Variants in PSMB7 observed in about 807,000 individuals in gnomAD.
The protein encoded by PSMB7 is proteasome 20S subunit beta 7, also known as proteasome subunit beta type-7.
PSMB7 carries 5 observed loss-of-function variants against 28.1 expected under a neutral mutation model. That is an observed-to-expected ratio of 0.18 (90% CI 0.09 to 0.37). The LOEUF is 0.37. PSMB7 is among the 10% of genes least tolerant of loss of function. PSMB7 has a pLI of 1.00. For missense variants in PSMB7, 275 were observed against 346.2 expected (o/e 0.79, Z 1.63); for synonymous variants, 122 against 123.7 (o/e 0.99, Z 0.09).
At chr9:124,361,838 G>A (rs1830467882) in intron 6 of PSMB7, among the ~76,000 whole-genome samples, 1 of 152,160 alleles carries the variant, frequency 6.6e-6, no homozygotes, top group Non-Finnish European at 1.5e-5. Flanking sequence ...TATAGTGCAG[G>A]TCCAAAATAG....
intron 1 of PSMB7, 174 bp downstream of exon 1, chr9:124,415,190 G>A: frequency 1.4e-6 from 1 of 713,716 alleles, no homozygotes; most frequent in Non-Finnish European, 2.3e-6. Context: ...AGCAGACCCG[G>A]CTTCAGGAGA....
chr9:124,394,680 C>T (rs1212438559), intron 5 of PSMB7, among the ~76,000 whole-genome samples: 1 of 152,122 alleles, frequency 6.6e-6, no homozygotes, highest in African/African-American at 2.4e-5. Context: ...AGAACAAAAT[C>T]CAATCTAATT....
intron 5 of PSMB7, among the ~76,000 whole-genome samples, chr9:124,397,146 G>A (rs1437769962): frequency 6.6e-6 from 1 of 152,148 alleles, no homozygotes; most frequent in Non-Finnish European, 1.5e-5. Flanking sequence ...CCTTACTTGT[G>A]GTTCAAGTAA....
chr9:124,401,781 G>A (rs903299042), intron 5 of PSMB7, among the ~76,000 whole-genome samples: 4 of 152,188 alleles, frequency 2.6e-5, no homozygotes, highest in Admixed American at 2.0e-4. Flanking sequence ...AGCACTTTGG[G>A]AGGCAGAGGC....
At chr9:124,354,380 A>G (rs1830376188) in intron 7 of PSMB7, among the ~76,000 whole-genome samples, 1 of 152,258 alleles carries the variant, frequency 6.6e-6, no homozygotes, top group Admixed American at 6.5e-5. Context: ...ACAGTGGGTC[A>G]GGAATTAGGA....
chr9:124,392,042 G>A (rs992202051), intron 5 of PSMB7, among the ~76,000 whole-genome samples: 4 of 152,228 alleles, frequency 2.6e-5, no homozygotes, highest in African/African-American at 9.6e-5. Context: ...TGGGGAAGGG[G>A]AAAACATTCA....
At chr9:124,375,731 T>C (rs1051606462) in intron 6 of PSMB7, among the ~76,000 whole-genome samples, 1 of 152,236 alleles carries the variant, frequency 6.6e-6, no homozygotes, top group Admixed American at 6.5e-5. Flanking sequence ...TTTGGTTTAA[T>C]TTTGCATTTA....
chr9:124,370,716 G>A (rs916392166), intron 6 of PSMB7, among the ~76,000 whole-genome samples: 22 of 152,068 alleles, frequency 1.4e-4, no homozygotes, highest in African/African-American at 5.1e-4. Flanking sequence ...AGTGAAATAC[G>A]GTCCAAGCCC....
chr9:124,413,142 C>T (rs1484220349), intron 3 of PSMB7, among the ~76,000 whole-genome samples: 3 of 128,648 alleles, frequency 2.3e-5, no homozygotes, highest in African/African-American at 3.1e-5. Flanking sequence ...ATAGTGTGAC[C>T]GCATCTCTCC....
intron 5 of PSMB7, among the ~76,000 whole-genome samples, chr9:124,394,198 A>G (rs1346103232): frequency 6.6e-6 from 1 of 152,252 alleles, no homozygotes; most frequent in Non-Finnish European, 1.5e-5. Flanking sequence ...GCAGCCAGGA[A>G]TGGCAGCATG....
chr9:124,404,340 G>A (rs1190594580), intron 5 of PSMB7, among the ~76,000 whole-genome samples: 5 of 152,128 alleles, frequency 3.3e-5, no homozygotes, highest in African/African-American at 1.2e-4. Flanking sequence ...TCCATATGAA[G>A]TTGACTCAGT....
rs879175821 is a variant in PSMB7, at chr9:124,356,592, C to T, written c.722+172G>A. Among the ~76,000 whole-genome samples the T allele has an allele frequency of 2.0e-5, 3 of 152,156 alleles. No individual in the cohort carries two copies. The South Asian group carries it at 6.2e-4, about 32-fold the overall frequency. On this transcript the variant is annotated intron_variant, in intron 7 of 7. Transcript: ENST00000259457. The surrounding 1 kb of genome is among the most constrained non-coding windows in gnomAD (Gnocchi z 4.4). ...CACTTTCCTACACCTGACAGCAGCC[C>T]ACTGTCATAAAGCAAGTAACAAGCC...
At chr9:124,410,422 T>C (rs1831017350) in intron 4 of PSMB7, among the ~76,000 whole-genome samples, 2 of 152,216 alleles carry the variant, frequency 1.3e-5, no homozygotes, top group Non-Finnish European at 2.9e-5. Context: ...TTTACAAGCT[T>C]AAAAATTGCC....
At chr9:124,399,791 A>G (rs1830881092) in intron 5 of PSMB7, among the ~76,000 whole-genome samples, 1 of 151,988 alleles carries the variant, frequency 6.6e-6, no homozygotes, top group African/African-American at 2.4e-5. Flanking sequence ...CCCTACCGCC[A>G]CCACCACTGG....
At chr9:124,377,722 G>A (rs754668058) in intron 6 of PSMB7, among the ~76,000 whole-genome samples, 2 of 152,306 alleles carry the variant, frequency 1.3e-5, no homozygotes, top group South Asian at 4.1e-4. Context: ...AACACTTGCC[G>A]AGTGATGAGA....
intron 3 of PSMB7, among the ~76,000 whole-genome samples, chr9:124,413,488 CTA>C (rs1255632675): frequency 4.6e-5 from 7 of 152,136 alleles, no homozygotes; most frequent in Non-Finnish European, 1.0e-4. Flanking sequence ...GCCATCAGAT[CTA>C]TGTTTTACAA....
At chr9:124,358,910 T>C (rs897440914) in intron 6 of PSMB7, among the ~76,000 whole-genome samples, 2 of 152,222 alleles carry the variant, frequency 1.3e-5, no homozygotes, top group African/African-American at 4.8e-5. Context: ...TCTGGGTAGA[T>C]GGGGACAGGT....
At chr9:124,375,318 AC>A (rs1830598917) in intron 6 of PSMB7, among the ~76,000 whole-genome samples, 1 of 151,750 alleles carries the variant, frequency 6.6e-6, no homozygotes, top group South Asian at 2.1e-4. Flanking sequence ...GTACCACCAT[AC>A]CCGGCTAATT....
intron 6 of PSMB7, among the ~76,000 whole-genome samples, chr9:124,370,466 G>C (rs1201732317): frequency 6.6e-6 from 1 of 151,506 alleles, no homozygotes; most frequent in Non-Finnish European, 1.5e-5. Flanking sequence ...TTCAAATATT[G>C]GCAGTTCCGT....
Sources: gnomAD v4.1 joint callset for allele counts (sites outside exome capture counted in the v4.1 genomes callset) on GRCh38, gnomAD v4.1.1 for gene constraint, Gnocchi (gnomAD v3.1) non-coding constraint, MANE v1.5 for transcripts, NCBI Gene and HGNC (gene_info 2026-07-23, HGNC 2026-07-21) for gene names.